ZC3H3: variants seen among roughly 807,000 people sequenced by gnomAD.
ZC3H3 encodes the protein zinc finger CCCH-type containing 3, also known as zinc finger CCCH domain-containing protein 3.
ZC3H3 carries 36 observed loss-of-function variants against 77.3 expected under a neutral mutation model. The ratio of observed to expected loss-of-function variants is 0.47; its 90% CI spans 0.36 to 0.61. The LOEUF (loss-of-function observed/expected upper bound fraction) is 0.61. Among genes scored for constraint, ZC3H3 ranks in the 20% least tolerant of loss-of-function variants. ZC3H3 has a pLI of 0.00. For missense variants in ZC3H3, 1,331 were observed against 1,312.2 expected (o/e 1.01, Z -0.22); for synonymous variants, 626 against 555.2 (o/e 1.13, Z -1.79).
chr8:143,522,236 T>C (rs916343263), intron 3 of ZC3H3, among the ~76,000 whole-genome samples: 1 of 152,196 alleles, frequency 6.6e-6, no homozygotes, highest in African/African-American at 2.4e-5. Context: ...CACACAACCC[T>C]GTGGGCCACA....
At chr8:143,485,157 T>G (rs1821018512) in intron 4 of ZC3H3, among the ~76,000 whole-genome samples, 1 of 152,106 alleles carries the variant, frequency 6.6e-6, no homozygotes, top group Non-Finnish European at 1.5e-5. Context: ...CATGTGGAAG[T>G]TATGGAGCAT....
chr8:143,530,956 C>CATT lies in ZC3H3; in HGVS notation c.1561+5300_1561+5301insAAT, dbSNP rs1485627490. The stretch of plus-strand genomic sequence containing the variant: ...CCCTTCTGGGGCTGTCTTCTATCTC[C>CATT]TTTTTTTTTTTTTTTTTTTTTGAGA... On this transcript the variant is annotated intron_variant, in intron 3 of 11. Coordinates refer to ENST00000262577, the MANE Select transcript of ZC3H3 (RefSeq NM_015117.3). The surrounding 1 kb of genome is among the most constrained non-coding windows in gnomAD (Gnocchi z 4.3). Among the ~76,000 whole-genome samples the CATT allele has an allele frequency of 7.5e-6, 1 of 133,524 alleles. No homozygotes were observed. Among genetic ancestry groups the CATT allele is most frequent in the African/African-American group, 2.9e-5 (1 of 34,144 alleles). The allele number at this position is 133,524 out of a possible 152,430, so 87.6% of individuals were successfully genotyped here. A position where few individuals can be genotyped will look rare whatever the true frequency, so the allele number is the denominator to read the frequency against.
chr8:143,479,211 G>A (rs750178850), intron 4 of ZC3H3, among the ~76,000 whole-genome samples: 6 of 152,194 alleles, frequency 3.9e-5, no homozygotes, highest in Non-Finnish European at 5.9e-5. Flanking sequence ...CCTCGCCCTG[G>A]CTGCCTGGCT....
chr8:143,495,186 T>A (rs1821313498), intron 4 of ZC3H3, among the ~76,000 whole-genome samples: 1 of 152,088 alleles, frequency 6.6e-6, no homozygotes, highest in South Asian at 2.1e-4. Flanking sequence ...CAAGTAAAAT[T>A]AATAAAGTGC....
At chr8:143,454,445 G>C (rs1297080382) in intron 9 of ZC3H3, among the ~76,000 whole-genome samples, 2 of 148,506 alleles carry the variant, frequency 1.3e-5, no homozygotes, top group East Asian at 3.9e-4. Flanking sequence ...CTGTCACCCA[G>C]GCTGGAGTGC....
At chr8:143,440,910 A>T (rs773043233) in intron 10 of ZC3H3, 26 bp downstream of exon 10, 8 of 1,403,260 alleles carry the variant, frequency 5.7e-6, no homozygotes, top group Admixed American at 3.0e-5. Context: ...CCAGGCTCAC[A>T]TGCACAGTGC....
chr8:143,484,950 G>A lies in ZC3H3; in HGVS notation c.1716-9365C>T, dbSNP rs1452502847. On this transcript the variant is annotated intron_variant, in intron 4 of 11. Coordinates refer to ENST00000262577, the MANE Select transcript of ZC3H3 (RefSeq NM_015117.3). ...GGCCCTTGCAAGGACAGTGGTATCT[G>A]CAAAAACCACGGGAAAACCACAATA... The A allele has an allele frequency of 1.4e-5, 6 of 437,580 alleles. No homozygotes were observed. The East Asian group carries it at 2.2e-4, about 16-fold the overall frequency. 27.1% of individuals were successfully genotyped at this position (437,580 alleles called of 1,614,324 possible).
chr8:143,500,730 A>G (rs1821499619), intron 4 of ZC3H3, among the ~76,000 whole-genome samples: 1 of 151,914 alleles, frequency 6.6e-6, no homozygotes, highest in Non-Finnish European at 1.5e-5. Flanking sequence ...CCCACCACAC[A>G]GCACTGACCC....
intron 3 of ZC3H3, among the ~76,000 whole-genome samples, chr8:143,522,018 T>C (rs1025279772): frequency 1.3e-5 from 2 of 152,158 alleles, no homozygotes; most frequent in Admixed American, 6.5e-5. Context: ...AAGGGGTGTG[T>C]CCACCCAGGT....
intron 9 of ZC3H3, among the ~76,000 whole-genome samples, chr8:143,463,763 G>A (rs1273883421): frequency 1.3e-5 from 2 of 152,220 alleles, no homozygotes; most frequent in Admixed American, 6.5e-5. Flanking sequence ...TGGGCAGGAC[G>A]TGGCAGACCC....
chr8:143,527,109 T>C (rs912266773), intron 3 of ZC3H3, among the ~76,000 whole-genome samples: 2 of 152,202 alleles, frequency 1.3e-5, no homozygotes, highest in Admixed American at 6.5e-5. Flanking sequence ...TGCCCCTGGC[T>C]GCCTGGTGGG....
intron 4 of ZC3H3, among the ~76,000 whole-genome samples, chr8:143,502,142 C>T (rs1010244311): frequency 2.0e-5 from 3 of 152,254 alleles, no homozygotes; most frequent in Admixed American, 2.0e-4. Context: ...TGCCAGACAC[C>T]AAGTCTGCCC....
At chr8:143,472,237 A>T (rs1483677842) in intron 5 of ZC3H3, among the ~76,000 whole-genome samples, 1 of 152,238 alleles carries the variant, frequency 6.6e-6, no homozygotes, top group Non-Finnish European at 1.5e-5. Context: ...CATGCCCCAG[A>T]AGGGCTGGGG....
chr8:143,470,602 C>T (rs1820537005), intron 5 of ZC3H3, among the ~76,000 whole-genome samples: 1 of 152,192 alleles, frequency 6.6e-6, no homozygotes, highest in African/African-American at 2.4e-5. Context: ...CCCAGGCTGC[C>T]AGTGACACTG....
At chr8:143,523,949 A>G (rs943065236) in intron 3 of ZC3H3, among the ~76,000 whole-genome samples, 1 of 152,210 alleles carries the variant, frequency 6.6e-6, no homozygotes, top group African/African-American at 2.4e-5. Context: ...TGAGCACCCA[A>G]GGCCAGCCAA....
chr8:143,444,665 G>T (rs1176126227), intron 9 of ZC3H3, among the ~76,000 whole-genome samples: 1 of 152,180 alleles, frequency 6.6e-6, no homozygotes, highest in Non-Finnish European at 1.5e-5. Context: ...AAATTCAACA[G>T]TTTTTTAAAA....
chr8:143,468,577 G>A (rs373417314), intron 6 of ZC3H3, 37 bp from the exon 7 acceptor site: 236 of 1,590,944 alleles, frequency 1.5e-4, no homozygotes, highest in Non-Finnish European at 1.9e-4. Context: ...GCCTGAGGGC[G>A]AGCAGGGAGC....
intron 5 of ZC3H3, among the ~76,000 whole-genome samples, chr8:143,471,202 C>T (rs533904520): frequency 1.3e-5 from 2 of 152,378 alleles, no homozygotes; most frequent in Admixed American, 6.5e-5. Context: ...GGCAGGGCTG[C>T]GCCAAGCCCT....
At chr8:143,441,924 A>G (rs1819752404) in intron 9 of ZC3H3, among the ~76,000 whole-genome samples, 1 of 152,158 alleles carries the variant, frequency 6.6e-6, no homozygotes, top group African/African-American at 2.4e-5. Flanking sequence ...ACTGCTCTTC[A>G]TGGGACTAAG....
Sources: gnomAD v4.1 joint callset for allele counts (sites outside exome capture counted in the v4.1 genomes callset) on GRCh38, gnomAD v4.1.1 for gene constraint, Gnocchi (gnomAD v3.1) non-coding constraint, MANE v1.5 for transcripts, NCBI Gene and HGNC (gene_info 2026-07-23, HGNC 2026-07-21) for gene names.